Variants in PRKG2 observed in about 807,000 individuals in gnomAD.
PRKG2 encodes cGMP-dependent protein kinase 2.
A neutral mutation model predicts 97.2 loss-of-function variants in PRKG2; 33 were observed. The observed-to-expected ratio is 0.34, with a 90% CI of 0.26 to 0.45. The LOEUF (loss-of-function observed/expected upper bound fraction) is 0.45. PRKG2 is among the 20% of genes least tolerant of loss of function. The probability of loss-of-function intolerance (pLI) is 1.00; values close to 1 mark genes in which losing one functional copy is unlikely to be tolerated. For missense variants in PRKG2, 638 were observed against 900.0 expected (o/e 0.71, Z 3.73); for synonymous variants, 330 against 321.8 (o/e 1.03, Z -0.27).
chr4:81,153,783 A>G lies in PRKG2; in HGVS notation c.913-62T>C. On this transcript the variant is annotated intron_variant, in intron 6 of 18. Transcript: ENST00000264399. ...GTGGAGCCAAGATGGCCTAATAGGA[A>G]CAGCTCCAGTATACAGCTCCCAGCG... The G allele has an allele frequency of 5.9e-6, 7 of 1,189,946 alleles. No homozygotes were observed. The South Asian group carries it at 8.6e-5, about 15-fold the overall frequency. 73.7% of individuals were successfully genotyped at this position (1,189,946 alleles called of 1,614,324 possible). A position where few individuals can be genotyped will look rare whatever the true frequency, so the allele number is the denominator to read the frequency against.
At chr4:81,198,133 T>C (rs1040803408) in intron 2 of PRKG2, among the ~76,000 whole-genome samples, 3 of 152,232 alleles carry the variant, frequency 2.0e-5, no homozygotes, top group East Asian at 1.9e-4. Flanking sequence ...CTCAGTGTTT[T>C]CCAAGGCTTC....
At chr4:81,100,425 C>T (rs577788804) in intron 17 of PRKG2, among the ~76,000 whole-genome samples, 1 of 152,182 alleles carries the variant, frequency 6.6e-6, no homozygotes, top group African/African-American at 2.4e-5. Flanking sequence ...CTACAACCAT[C>T]TGATCTTTGA....
intron 2 of PRKG2, chr4:81,193,232 A>G (rs1752698884): frequency 6.6e-6 from 1 of 152,172 alleles, no homozygotes; most frequent in African/African-American, 2.4e-5. Flanking sequence ...GCAATTAGAA[A>G]ACATATGGTA....
Position 81,182,958 on chromosome 4 carries a change from G to A in PRKG2, c.462-7999C>T, listed in dbSNP as rs576658625. Among the ~76,000 whole-genome samples, 64 of 152,052 alleles carry A rather than the reference G, an allele frequency of 4.2e-4. No individual in the cohort carries two copies. The South Asian group carries it at 0.012, about 29-fold the overall frequency. The stretch of plus-strand genomic sequence containing the variant: ...TTTTTAATTATGTTAATTATATTCA[G>A]GTTGATCAGGTTCAATGAAATCCCA... On this transcript the variant is annotated intron_variant, in intron 2 of 18. Coordinates refer to ENST00000264399, the MANE Select transcript of PRKG2 (RefSeq NM_006259.3).
intron 17 of PRKG2, among the ~76,000 whole-genome samples, chr4:81,097,830 T>C (rs903348381): frequency 2.0e-5 from 3 of 152,188 alleles, no homozygotes; most frequent in African/African-American, 7.2e-5. Context: ...TCAGCCTTCA[T>C]AGAGTTGACT....
chr4:81,164,212 C>T (rs1454321684), intron 6 of PRKG2, among the ~76,000 whole-genome samples: 1 of 152,062 alleles, frequency 6.6e-6, no homozygotes, highest in Non-Finnish European at 1.5e-5. Context: ...AGAGATATGG[C>T]CCACCACTCC....
chr4:81,200,006 C>A (rs1394039307), intron 2 of PRKG2, among the ~76,000 whole-genome samples: 2 of 152,198 alleles, frequency 1.3e-5, no homozygotes, highest in African/African-American at 2.4e-5. Flanking sequence ...TAGCAAAATG[C>A]AGTCATACCA....
At chr4:81,145,840 T>C (rs1553923958) in intron 9 of PRKG2, among the ~76,000 whole-genome samples, 1 of 152,210 alleles carries the variant, frequency 6.6e-6, no homozygotes, top group Non-Finnish European at 1.5e-5. Flanking sequence ...AGAGTGAGTT[T>C]ACCTCAAAAT....
At chr4:81,092,564 A>C in intron 17 of PRKG2, 112 bp from the exon 18 acceptor site, 2 of 705,246 alleles carry the variant, frequency 2.8e-6, no homozygotes, top group Non-Finnish European at 4.8e-6. Flanking sequence ...ATAAACTATT[A>C]GCATGTCAAG....
At chr4:81,189,915 A>C (rs1002254097) in intron 2 of PRKG2, among the ~76,000 whole-genome samples, 1 of 152,194 alleles carries the variant, frequency 6.6e-6, no homozygotes, top group Non-Finnish European at 1.5e-5. Context: ...CCACTCTGCA[A>C]GGAAATAAGA....
intron 14 of PRKG2, among the ~76,000 whole-genome samples, chr4:81,128,440 G>A (rs1388991366): frequency 1.3e-5 from 2 of 152,104 alleles, no homozygotes; most frequent in Non-Finnish European, 2.9e-5. Flanking sequence ...GTTAGAATTC[G>A]GCTGTGAATC....
At chr4:81,217,293 G>T (rs147479798), upstream of PRKG2, among the ~76,000 whole-genome samples, 1 of 151,970 alleles carries the variant, frequency 6.6e-6, no homozygotes, top group African/African-American at 2.4e-5. Context: ...GAGTATGCAC[G>T]CACACTGGGT....
intron 6 of PRKG2, among the ~76,000 whole-genome samples, chr4:81,159,121 C>A (rs1410628650): frequency 1.3e-4 from 20 of 152,170 alleles, no homozygotes; most frequent in Admixed American, 3.3e-4. Context: ...GGATCTAATT[C>A]AACTAAAGAG....
At chr4:81,159,463 G>A (rs1749417044) in intron 6 of PRKG2, among the ~76,000 whole-genome samples, 1 of 152,052 alleles carries the variant, frequency 6.6e-6, no homozygotes, top group Non-Finnish European at 1.5e-5. Flanking sequence ...GAAACAACAG[G>A]TGCTGGAGAG....
intron 9 of PRKG2, among the ~76,000 whole-genome samples, chr4:81,145,902 C>T (rs2110047467): frequency 6.6e-6 from 1 of 152,276 alleles, no homozygotes; most frequent in Admixed American, 6.5e-5. Flanking sequence ...TCTCAACTTA[C>T]TGCCTCTACC....
intron 5 of PRKG2, among the ~76,000 whole-genome samples, chr4:81,167,827 T>C (rs1188344235): frequency 1.3e-5 from 2 of 151,704 alleles, no homozygotes; most frequent in South Asian, 4.2e-4. Flanking sequence ...AAGGGAATGA[T>C]CACTAAACTT....
intron 14 of PRKG2, among the ~76,000 whole-genome samples, chr4:81,116,218 T>A (rs1744502372): frequency 6.6e-6 from 1 of 152,148 alleles, no homozygotes; most frequent in Non-Finnish European, 1.5e-5. Context: ...CTGGTGCCTA[T>A]TATTCCCTTC....
intron 14 of PRKG2, among the ~76,000 whole-genome samples, chr4:81,130,530 C>A (rs1490805077): frequency 2.0e-5 from 3 of 152,146 alleles, no homozygotes; most frequent in South Asian, 2.1e-4. Context: ...TCTGGGAGAT[C>A]CCCTCCTCTC....
chr4:81,173,824 T>C (rs1246060441), intron 3 of PRKG2: 1 of 152,030 alleles, frequency 6.6e-6, no homozygotes, highest in Non-Finnish European at 1.5e-5. Context: ...ACTTAGATTA[T>C]CAGGAACTAC....
Sources: allele counts gnomAD v4.1 joint callset (sites outside exome capture counted in the v4.1 genomes callset), GRCh38; gene constraint gnomAD v4.1.1; transcripts MANE v1.5; gene names NCBI Gene and HGNC (gene_info 2026-07-23, HGNC 2026-07-21).